RAB18: variants seen among roughly 807,000 people sequenced by gnomAD.
RAB18 encodes RAB18, member RAS oncogene family.
In RAB18, 10 loss-of-function variants were observed where a neutral mutation model predicts 28.5. The ratio of observed to expected loss-of-function variants is 0.35; its 90% CI spans 0.22 to 0.60. The LOEUF (loss-of-function observed/expected upper bound fraction) is 0.60, where lower values mean the gene tolerates loss of function less well. Ranked by LOEUF, RAB18 falls within the 20% of genes least tolerant of loss-of-function variation. RAB18 has a pLI of 0.78. For synonymous variants in RAB18, 93 were observed against 86.9 expected (o/e 1.07, Z -0.39); for missense variants, 188 against 244.2 (o/e 0.77, Z 1.53).
chr10:27,507,590 A>G (rs1485814360), intron 1 of RAB18, among the ~76,000 whole-genome samples: 2 of 151,702 alleles, frequency 1.3e-5, no homozygotes, highest in East Asian at 3.9e-4. Context: ...AATTTAAAAA[A>G]TGCAGATTAG....
At position 27,508,709 on chromosome 10, in the gene RAB18, G is replaced by A. The variant is rs73604012; in HGVS notation, c.69-1166G>A. On this transcript the variant is annotated intron_variant, in intron 1 of 6. Coordinates refer to ENST00000356940, the MANE Select transcript of RAB18 (RefSeq NM_021252.5). ...CACAAGAAAACAAAACCAAGTAAGG[G>A]AGAGTTAATCGTTCAAATATATTTA... Among the ~76,000 whole-genome samples the A allele has an allele frequency of 1.0e-3, 156 of 152,290 alleles. 1 individual carries two copies. Among genetic ancestry groups the A allele is most frequent in the African/African-American group, 3.7e-3 (152 of 41,576 alleles).
In RAB18 at chr10:27,541,859, G is replaced by A. The variant is rs1400457298; in HGVS notation, c.*3808G>A. ...CCCCACCCCTGCAAACAATTGGCAT[G>A]TGGTTTGGGTGGCATTGTCACACCC... On this transcript the variant is annotated 3_prime_UTR_variant, in exon 7 of 7. Coordinates refer to ENST00000356940, the MANE Select transcript of RAB18 (RefSeq NM_021252.5). 2.2e-6 allele frequency: 1 copy of A among 448,304 alleles called. No homozygotes were observed. The highest frequency in any genetic ancestry group is 7.2e-5 in the East Asian group (1 of 13,876). 27.8% of individuals were successfully genotyped at this position (448,304 alleles called of 1,614,324 possible).
At chr10:27,517,189 C>T (rs769272297) in intron 2 of RAB18, among the ~76,000 whole-genome samples, 10 of 151,988 alleles carry the variant, frequency 6.6e-5, no homozygotes, top group Non-Finnish European at 1.5e-4. Flanking sequence ...ATGGTGAAAC[C>T]CTGTCTCTAC....
chr10:27,528,297 TA>T, intron 3 of RAB18: 1 of 496,910 alleles, frequency 2.0e-6, no homozygotes, highest in Admixed American at 2.1e-5. Flanking sequence ...CATAGGCCTA[TA>T]AACATTTTTT....
chr10:27,519,516 A>G (rs981373038), intron 2 of RAB18, among the ~76,000 whole-genome samples: 1 of 152,072 alleles, frequency 6.6e-6, no homozygotes, highest in African/African-American at 2.4e-5. Context: ...TATAGTATCA[A>G]TTGTGTTTCT....
At chr10:27,528,832 A>G (rs190407666) in intron 3 of RAB18, among the ~76,000 whole-genome samples, 2 of 151,970 alleles carry the variant, frequency 1.3e-5, no homozygotes, top group East Asian at 3.9e-4. Context: ...ACTCCCACCA[A>G]TTGTATTCAT....
intron 2 of RAB18, among the ~76,000 whole-genome samples, chr10:27,515,064 C>T (rs555646538): frequency 6.6e-6 from 1 of 152,100 alleles, no homozygotes; most frequent in Non-Finnish European, 1.5e-5. Context: ...TGCTCTCAGC[C>T]TGCAAAAATA....
At position 27,538,732 on chromosome 10, in the gene RAB18, T is replaced by G. The variant is rs1482851965; in HGVS notation, c.*681T>G. On this transcript the variant is annotated 3_prime_UTR_variant, in exon 7 of 7. Coordinates refer to ENST00000356940, the MANE Select transcript of RAB18 (RefSeq NM_021252.5). The stretch of plus-strand genomic sequence containing the variant: ...TCCTGTGATATGTACATTGGATTCA[T>G]GACTGTGCAGCATTTTTAGTTATGT... The G allele has an allele frequency of 4.4e-6, 2 of 454,134 alleles. No individual in the cohort carries two copies. Among genetic ancestry groups the G allele is most frequent in the East Asian group, 1.4e-4 (2 of 14,398 alleles). The allele number at this position is 454,134 out of a possible 1,614,324, so 28.1% of individuals were successfully genotyped here. A position where few individuals can be genotyped will look rare whatever the true frequency, so the allele number is the denominator to read the frequency against.
intron 2 of RAB18, among the ~76,000 whole-genome samples, chr10:27,519,562 T>G (rs1207804844): frequency 6.6e-6 from 1 of 152,040 alleles, no homozygotes; most frequent in East Asian, 1.9e-4. Context: ...GATGAAAAAT[T>G]TAAATACAAT....
intron 2 of RAB18, among the ~76,000 whole-genome samples, chr10:27,513,032 A>AT (rs1554899531): frequency 2.1e-5 from 3 of 142,578 alleles, no homozygotes; most frequent in African/African-American, 5.2e-5. Context: ...ATATATATAT[A>AT]TTTTTTTTTT....
intron 3 of RAB18, among the ~76,000 whole-genome samples, chr10:27,528,871 T>C (rs980926397): frequency 5.9e-5 from 9 of 152,126 alleles, no homozygotes; most frequent in Admixed American, 1.3e-4. Context: ...TTATCTCTAC[T>C]GTTATCATTC....
At chr10:27,529,721 C>T (rs2132402367) in intron 3 of RAB18, among the ~76,000 whole-genome samples, 1 of 152,004 alleles carries the variant, frequency 6.6e-6, no homozygotes, top group East Asian at 1.9e-4. Flanking sequence ...GTTATTATAC[C>T]TACCACATAT....
chr10:27,537,242 T>C (rs1834918724), intron 6 of RAB18, among the ~76,000 whole-genome samples: 1 of 152,202 alleles, frequency 6.6e-6, no homozygotes, highest in Admixed American at 6.5e-5. Flanking sequence ...TTGCTTCTGA[T>C]TTTCTCAGCA....
chr10:27,535,954 G>A (rs1455262255), intron 6 of RAB18, among the ~76,000 whole-genome samples: 1 of 152,080 alleles, frequency 6.6e-6, no homozygotes, highest in Admixed American at 6.6e-5. Context: ...GTGGTGGCGG[G>A]TGCCTGTAGT....
intron 6 of RAB18, 135 bp from the exon 7 acceptor site, chr10:27,537,741 C>T: frequency 1.4e-6 from 1 of 711,024 alleles, no homozygotes; most frequent in Non-Finnish European, 2.3e-6. Context: ...AGTTATTGAC[C>T]TTTGGGGAAA....
At chr10:27,507,306 C>G (rs1837866284) in intron 1 of RAB18, among the ~76,000 whole-genome samples, 1 of 152,134 alleles carries the variant, frequency 6.6e-6, no homozygotes, top group Admixed American at 6.5e-5. Context: ...GTCAGGAGAT[C>G]AGGATTATGA....
intron 2 of RAB18, among the ~76,000 whole-genome samples, chr10:27,517,456 G>T (rs1273688610): frequency 5.3e-5 from 8 of 152,112 alleles, no homozygotes; most frequent in African/African-American, 1.9e-4. Context: ...ACAGATAAAG[G>T]CATAGGGAAT....
intron 1 of RAB18, among the ~76,000 whole-genome samples, chr10:27,507,675 ACTT>A (rs1253918891): frequency 6.6e-6 from 1 of 151,220 alleles, no homozygotes; most frequent in Non-Finnish European, 1.5e-5. Flanking sequence ...TTCCATCTCT[ACTT>A]CTGCATGGGA....
At chr10:27,522,556 G>A (rs1253883490) in intron 2 of RAB18, among the ~76,000 whole-genome samples, 1 of 152,098 alleles carries the variant, frequency 6.6e-6, no homozygotes, top group Non-Finnish European at 1.5e-5. Context: ...TACCAATAAG[G>A]AAGGACTTCT....
Sources: allele counts gnomAD v4.1 joint callset (sites outside exome capture counted in the v4.1 genomes callset), GRCh38; gene constraint gnomAD v4.1.1; transcripts MANE v1.5; gene names NCBI Gene and HGNC (gene_info 2026-07-23, HGNC 2026-07-21).